PRKAA2: variants seen among roughly 807,000 people sequenced by gnomAD.
PRKAA2 encodes protein kinase AMP-activated catalytic subunit alpha 2.
Under a neutral mutation model 56.3 loss-of-function variants are expected in PRKAA2, and 40 were observed. The observed-to-expected ratio is 0.71, with a 90% CI of 0.55 to 0.92. The LOEUF is 0.92. Among genes scored for constraint, PRKAA2 ranks in the 40% least tolerant of loss-of-function variants. The pLI is 0.00. For missense variants in PRKAA2, 542 were observed against 686.9 expected (o/e 0.79, Z 2.36); for synonymous variants, 214 against 234.2 (o/e 0.91, Z 0.79).
rs1278675687 is a variant in PRKAA2, at chr1:56,710,220, G to A, written c.*2507G>A. 2.0e-5 allele frequency: 3 copies of A among 151,980 alleles called. No homozygotes were observed. Among genetic ancestry groups the A allele is most frequent in the Non-Finnish European group, 2.9e-5 (2 of 67,966 alleles). The allele number at this position is 151,980 out of a possible 1,614,324, so 9.4% of individuals were successfully genotyped here. A position where few individuals can be genotyped will look rare whatever the true frequency, so the allele number is the denominator to read the frequency against. ...GCTTCTATTATGAGGTTATAGATAA[G>A]GCCTTAGTTATATCATGGAAATGGA... On this transcript the variant is annotated 3_prime_UTR_variant, in exon 9 of 9. Transcript: ENST00000371244.
chr1:56,670,458 G>T (rs956635997), intron 1 of PRKAA2, among the ~76,000 whole-genome samples: 3 of 152,184 alleles, frequency 2.0e-5, no homozygotes, highest in African/African-American at 7.2e-5. Context: ...TCAGGATGAA[G>T]GAAGGGATGA....
At chr1:56,705,993 C>G in intron 7 of PRKAA2, 99 bp from the exon 8 acceptor site, 1 of 1,041,050 alleles carries the variant, frequency 9.6e-7, no homozygotes, top group Non-Finnish European at 1.4e-6. Context: ...ATTCGTATTC[C>G]TTTCCTACCT....
chr1:56,692,001 A>G, intron 3 of PRKAA2, among the ~76,000 whole-genome samples: 1 of 151,330 alleles, frequency 6.6e-6, no homozygotes, highest in African/African-American at 2.4e-5. Flanking sequence ...TTATGAAATT[A>G]AAACTCTTGT....
intron 1 of PRKAA2, among the ~76,000 whole-genome samples, chr1:56,663,396 G>A (rs1299270191): frequency 6.6e-6 from 1 of 152,134 alleles, no homozygotes; most frequent in Non-Finnish European, 1.5e-5. Flanking sequence ...GCCCACCTTT[G>A]CTCTTCACCA....
rs183924492 is a variant in PRKAA2 at position 56,702,398 on chromosome 1, C to A, written c.789-1573C>A. ...GCGCCCAGCATCATTTTTATCTTTT[C>A]AATTCATTTTCTATACCACAAACAA... On this transcript the variant is annotated intron_variant, in intron 6 of 8. Transcript: ENST00000371244. Among the ~76,000 whole-genome samples the A allele has an allele frequency of 1.4e-3, 217 of 152,286 alleles. 2 individuals carry two copies. Among genetic ancestry groups the A allele is most frequent in the South Asian group, 5.0e-3 (24 of 4,826 alleles).
intron 2 of PRKAA2, among the ~76,000 whole-genome samples, chr1:56,688,629 G>A (rs1377616003): frequency 6.6e-6 from 1 of 152,188 alleles, no homozygotes; most frequent in Admixed American, 6.5e-5. Context: ...AGGAGGTACA[G>A]CATGACTAAC....
rs150390182 is a variant in PRKAA2 at position 56,696,486 on chromosome 1, G to A, written c.788+327G>A. ...TCTGTTTTATCAACATTTTGTTCAT[G>A]CTTTTATTATTTAATCCTCATCCTG... On this transcript the variant is annotated intron_variant, in intron 6 of 8. Coordinates refer to ENST00000371244, the MANE Select transcript of PRKAA2 (RefSeq NM_006252.4). Among the ~76,000 whole-genome samples, 291 of 152,000 alleles carry A rather than the reference G, an allele frequency of 1.9e-3. 1 individual carries two copies. The highest frequency in any genetic ancestry group is 6.9e-3 in the African/African-American group (287 of 41,458).
chr1:56,676,852 G>A (rs1644117396), intron 2 of PRKAA2, among the ~76,000 whole-genome samples: 1 of 152,130 alleles, frequency 6.6e-6, no homozygotes, highest in Non-Finnish European at 1.5e-5. Context: ...TGGATGACCG[G>A]TGATGACTCA....
chr1:56,645,346 C>CGCGGAGCGGCAGGCG lies in PRKAA2; in HGVS notation c.-40_-26dup. ...GGGTAGGCGGCGGCGGCGGCGGCTA[C>CGCGGAGCGGCAGGCG]GCGGAGCGGCAGGCGGTGGAGCGAG... On this transcript the variant is annotated 5_prime_UTR_variant, in exon 1 of 9. Transcript: ENST00000371244. The CGCGGAGCGGCAGGCG allele has an allele frequency of 7.1e-7, 1 of 1,417,160 alleles. No individual in the cohort carries two copies. Among genetic ancestry groups the CGCGGAGCGGCAGGCG allele is most frequent in the Non-Finnish European group, 9.3e-7 (1 of 1,070,244 alleles). The allele number at this position is 1,417,160 out of a possible 1,614,324, so 87.8% of individuals were successfully genotyped here.
intron 1 of PRKAA2, among the ~76,000 whole-genome samples, chr1:56,661,344 T>C (rs961069944): frequency 6.6e-6 from 1 of 152,176 alleles, no homozygotes; most frequent in African/African-American, 2.4e-5. Context: ...AGTCCCCTTG[T>C]GTCCCATATC....
At chr1:56,686,416 G>A (rs1256579556) in intron 2 of PRKAA2, among the ~76,000 whole-genome samples, 4 of 152,162 alleles carry the variant, frequency 2.6e-5, no homozygotes, top group South Asian at 2.1e-4. Flanking sequence ...AAGAATGTTC[G>A]TGTTAGTCCA....
At chr1:56,675,540 TC>T (rs1386947646) in intron 2 of PRKAA2, among the ~76,000 whole-genome samples, 2 of 152,276 alleles carry the variant, frequency 1.3e-5, no homozygotes, top group East Asian at 3.9e-4. Context: ...CAAGCCTGAT[TC>T]CAAATGCCAT....
rs1037710436 is a variant in PRKAA2, at chr1:56,715,292, T to G, written c.*7579T>G. 7.2e-5 allele frequency: 11 copies of G among 152,156 alleles called. No homozygotes were observed. Among genetic ancestry groups the G allele is most frequent in the Non-Finnish European group, 1.5e-4 (10 of 68,010 alleles). The allele number at this position is 152,156 out of a possible 1,614,324, so 9.4% of individuals were successfully genotyped here. On this transcript the variant is annotated 3_prime_UTR_variant, in exon 9 of 9. Transcript: ENST00000371244. ...GCCTGTCTGATTGCTTATAAGCTTTTTTCACAAAATCAAATTAAAAGTCTC... is the reference window on the plus strand; with the variant it reads ...GCCTGTCTGATTGCTTATAAGCTTTGTTCACAAAATCAAATTAAAAGTCTC...
At chr1:56,687,620 A>G (rs1042900561) in intron 2 of PRKAA2, among the ~76,000 whole-genome samples, 6 of 152,144 alleles carry the variant, frequency 3.9e-5, no homozygotes, top group Admixed American at 6.6e-5. Flanking sequence ...AAAAATAGTA[A>G]TTAAATAAAA....
chr1:56,706,074 A>G lies in PRKAA2; in HGVS notation c.1294-18A>G. ...AGATATTTTGTAGTTTATTATTTTT[A>G]TTGATTTTTCACTTTAGGTAGTGAA... On this transcript the variant is annotated intron_variant, in intron 7 of 8. Transcript: ENST00000371244. 2 of 1,583,214 alleles carry G rather than the reference A, an allele frequency of 1.3e-6. No homozygotes were observed. The highest frequency in any genetic ancestry group is 1.7e-6 in the Non-Finnish European group (2 of 1,162,490).
chr1:56,666,228 G>A (rs1407087689), intron 1 of PRKAA2, among the ~76,000 whole-genome samples: 1 of 152,136 alleles, frequency 6.6e-6, no homozygotes, highest in African/African-American at 2.4e-5. Context: ...TATGTGTTAG[G>A]TACTGTGCCA....
chr1:56,682,523 G>T (rs1419809034), intron 2 of PRKAA2, among the ~76,000 whole-genome samples: 1 of 152,208 alleles, frequency 6.6e-6, no homozygotes, highest in Non-Finnish European at 1.5e-5. Context: ...CAGGAGTGGA[G>T]TGAGGAGAAG....
chr1:56,707,930 C>A lies in PRKAA2; in HGVS notation c.*217C>A, dbSNP rs1644343457. 1.7e-6 allele frequency: 1 copy of A among 574,526 alleles called. No homozygotes were observed. The highest frequency in any genetic ancestry group is 3.0e-5 in the East Asian group (1 of 33,694). The allele number at this position is 574,526 out of a possible 1,614,324, so 35.6% of individuals were successfully genotyped here. On this transcript the variant is annotated 3_prime_UTR_variant, in exon 9 of 9. Coordinates refer to ENST00000371244, the MANE Select transcript of PRKAA2 (RefSeq NM_006252.4). ...TTCTATTGTGCCTATGATAAATTCACATAGGCAATATCTTTAATAGGTTAA... is the reference window on the plus strand; with the variant it reads ...TTCTATTGTGCCTATGATAAATTCAAATAGGCAATATCTTTAATAGGTTAA...
At chr1:56,656,890 T>A (rs1009201378) in intron 1 of PRKAA2, among the ~76,000 whole-genome samples, 1 of 152,208 alleles carries the variant, frequency 6.6e-6, no homozygotes, top group Admixed American at 6.5e-5. Context: ...GGTATGAATG[T>A]CATCTTGAAT....
Sources: gnomAD v4.1 joint callset for allele counts (sites outside exome capture counted in the v4.1 genomes callset) on GRCh38, gnomAD v4.1.1 for gene constraint, MANE v1.5 for transcripts, NCBI Gene and HGNC (gene_info 2026-07-23, HGNC 2026-07-21) for gene names.